The following WDR27 variants were observed in gnomAD, a reference collection of about 807,000 sequenced individuals.
WDR27 encodes the protein WD repeat-containing protein 27.
Under a neutral mutation model 114.4 loss-of-function variants are expected in WDR27, and 100 were observed. The ratio of observed to expected loss-of-function variants is 0.87; its 90% CI spans 0.74 to 1.03. The LOEUF (loss-of-function observed/expected upper bound fraction) is 1.03, where lower values mean the gene tolerates loss of function less well. Ranked by LOEUF, WDR27 falls within the 50% of genes least tolerant of loss-of-function variation. WDR27 has a pLI of 0.00. For synonymous variants in WDR27, 449 were observed against 423.1 expected (o/e 1.06, Z -0.75); for missense variants, 1,129 against 1,092.9 (o/e 1.03, Z -0.47).
At position 169,528,502 on chromosome 6, in the gene WDR27, A is replaced by G. The variant is rs1583993329; in HGVS notation, c.2645+43917T>C. Among the ~76,000 whole-genome samples the G allele has an allele frequency of 2.6e-5, 4 of 152,312 alleles. 1 individual carries two copies. In the South Asian group the frequency reaches 6.2e-4, roughly 24 times the overall value. On this transcript the variant is annotated intron_variant, in intron 25 of 25. Transcript: ENST00000448612. ...CATCCAGCCTGGGCAAACAACTGTG[A>G]TTTGTGTTAACAAACATCTTTAAAA...
chr6:169,622,003 C>A (rs1212662020), intron 21 of WDR27, among the ~76,000 whole-genome samples: 1 of 152,304 alleles, frequency 6.6e-6, no homozygotes. Flanking sequence ...TTAGGGCCAA[C>A]CTGCCTCCCA....
intron 17 of WDR27, among the ~76,000 whole-genome samples, chr6:169,640,265 A>G (rs1271471763): frequency 6.6e-6 from 1 of 152,176 alleles, no homozygotes; most frequent in Non-Finnish European, 1.5e-5. Context: ...ATCACAATTT[A>G]TAGACTAGAC....
chr6:169,669,557 C>A (rs1049402140), intron 4 of WDR27: 3 of 152,178 alleles, frequency 2.0e-5, no homozygotes, highest in Non-Finnish European at 2.9e-5. Flanking sequence ...AATGTTAATT[C>A]TTTGCACATT....
At chr6:169,630,923 A>G (rs185435677) in intron 21 of WDR27, among the ~76,000 whole-genome samples, 2 of 152,152 alleles carry the variant, frequency 1.3e-5, no homozygotes, top group African/African-American at 4.8e-5. Context: ...TAAGGTGGGT[A>G]TTAGGCTAAC....
Position 169,664,235 on chromosome 6 carries a change from C to G in WDR27, c.835G>C (p.Val279Leu), listed in dbSNP as rs748957240. Residue 279 changes from valine (V) to leucine (L), a missense_variant, in exon 8 of 26, where the codon GTT becomes CTT. By Grantham distance (32) the Val-to-Leu change is conservative. Transcript: ENST00000448612. ...GTCTCTGTCTTCTTCCTTAGGTCAA[C>G]CCGTGCCACACGACGATAATGGTGT... ...DGHHYRRVARVDLRKKTETFS... is the reference protein window; with the variant it reads ...DGHHYRRVARLDLRKKTETFS... 4 of 1,613,560 alleles carry G rather than the reference C, an allele frequency of 2.5e-6. No individual in the cohort carries two copies. In the African/African-American group the frequency reaches 5.3e-5, roughly 22 times the overall value.
At chr6:169,574,163 C>T (rs1584315227) in intron 24 of WDR27, among the ~76,000 whole-genome samples, 1 of 152,350 alleles carries the variant, frequency 6.6e-6, no homozygotes, top group East Asian at 1.9e-4. Context: ...TCTTGGATTC[C>T]GAAGCCACTC....
At chr6:169,515,247 GAGA>G (rs1482868345) in intron 25 of WDR27, among the ~76,000 whole-genome samples, 7 of 152,028 alleles carry the variant, frequency 4.6e-5, no homozygotes, top group Non-Finnish European at 1.0e-4. Flanking sequence ...AAAAGAAATG[GAGA>G]AGGAGACCCG....
intron 25 of WDR27, among the ~76,000 whole-genome samples, chr6:169,503,168 G>A (rs1361196663): frequency 1.3e-5 from 2 of 152,146 alleles, no homozygotes; most frequent in Non-Finnish European, 2.9e-5. Flanking sequence ...GAAAACATCA[G>A]GAGGCCCAGC....
At chr6:169,647,613 C>T (rs1366324424) in intron 16 of WDR27, 160 bp downstream of exon 16, 8 of 737,806 alleles carry the variant, frequency 1.1e-5, no homozygotes, top group South Asian at 3.2e-5. Context: ...AACGCAGTCT[C>T]GGTTTTCATC....
At chr6:169,653,960 T>G (rs1186154944) in intron 13 of WDR27, among the ~76,000 whole-genome samples, 1 of 152,200 alleles carries the variant, frequency 6.6e-6, no homozygotes, top group Non-Finnish European at 1.5e-5. Context: ...GACAAGTGGC[T>G]TAAAAGGCCG....
intron 8 of WDR27, among the ~76,000 whole-genome samples, chr6:169,663,405 G>A (rs1036941761): frequency 6.6e-6 from 1 of 152,162 alleles, no homozygotes; most frequent in Admixed American, 6.5e-5. Context: ...ATGAGGAAGA[G>A]AGTGTAGGCT....
At chr6:169,632,460 T>C (rs1460060288) in intron 21 of WDR27, among the ~76,000 whole-genome samples, 1 of 152,212 alleles carries the variant, frequency 6.6e-6, no homozygotes, top group African/African-American at 2.4e-5. Flanking sequence ...ACCGTGCAGC[T>C]ATCAGACAAT....
Position 169,538,703 on chromosome 6 carries a change from TACACAC to T in WDR27, c.2645+33710_2645+33715del, listed in dbSNP as rs10644528. 1.6e-3 allele frequency among the ~76,000 whole-genome samples: 233 copies of T among 143,944 alleles called. 2 individuals are homozygous for T. The highest frequency in any genetic ancestry group is 0.013 in the East Asian group (61 of 4,786). 94.4% of individuals were successfully genotyped at this position (143,944 alleles called of 152,430 possible). ...ATAGTCAAGCCTCCACATACTGGAATACACACACACACACACACACACACACACACA... is the reference window on the plus strand; with the variant it reads ...ATAGTCAAGCCTCCACATACTGGAATACACACACACACACACACACACACA... On this transcript the variant is annotated intron_variant, in intron 25 of 25. Transcript: ENST00000448612.
intron 25 of WDR27, among the ~76,000 whole-genome samples, chr6:169,548,141 A>G (rs1000395816): frequency 6.6e-6 from 1 of 152,178 alleles, no homozygotes; most frequent in Non-Finnish European, 1.5e-5. Flanking sequence ...TACAAGGTCT[A>G]TATGAGGAAA....
intron 25 of WDR27, among the ~76,000 whole-genome samples, chr6:169,459,098 A>G (rs1205999091): frequency 6.6e-6 from 1 of 152,230 alleles, no homozygotes; most frequent in Non-Finnish European, 1.5e-5. Context: ...CAGAGGAAAA[A>G]GATAAACAAA....
chr6:169,661,753 G>A (rs2128272350), intron 9 of WDR27, among the ~76,000 whole-genome samples: 1 of 152,296 alleles, frequency 6.6e-6, no homozygotes, highest in African/African-American at 2.4e-5. Flanking sequence ...GGGCAGCTCT[G>A]CACAGAGACA....
chr6:169,608,908 G>A (rs539729306), intron 22 of WDR27, among the ~76,000 whole-genome samples: 1 of 152,168 alleles, frequency 6.6e-6, no homozygotes, highest in Non-Finnish European at 1.5e-5. Context: ...ATACAATGGG[G>A]GTACAGGCAT....
At chr6:169,603,876 T>C (rs1010558830) in intron 22 of WDR27, among the ~76,000 whole-genome samples, 3 of 152,244 alleles carry the variant, frequency 2.0e-5, no homozygotes, top group South Asian at 2.1e-4. Flanking sequence ...GTAATTGGAC[T>C]GGGTTCAGGA....
intron 23 of WDR27, among the ~76,000 whole-genome samples, chr6:169,594,699 GAT>G (rs1442629291): frequency 2.0e-5 from 3 of 152,100 alleles, no homozygotes; most frequent in African/African-American, 7.2e-5. Context: ...TGTTTTGTGC[GAT>G]ACTAAAATCA....
Sources: allele counts gnomAD v4.1 joint callset (sites outside exome capture counted in the v4.1 genomes callset), GRCh38; gene constraint gnomAD v4.1.1; transcripts MANE v1.5; gene names NCBI Gene and HGNC (gene_info 2026-07-23, HGNC 2026-07-21).